The following EFCC1 variants were observed in gnomAD, a reference collection of about 807,000 sequenced individuals.
The protein encoded by EFCC1 is EF-hand and coiled-coil domain-containing protein 1.
In EFCC1, 50 loss-of-function variants were observed where a neutral mutation model predicts 52.1. That is an observed-to-expected ratio of 0.96 (90% confidence interval 0.76 to 1.21). The LOEUF (loss-of-function observed/expected upper bound fraction) is 1.21, where lower values mean the gene tolerates loss of function less well. Ranked by LOEUF, EFCC1 falls within the 50% of genes most tolerant of loss-of-function variation. EFCC1 has a pLI of 0.00. For missense variants in EFCC1, 837 were observed against 867.3 expected (o/e 0.97, Z 0.44); for synonymous variants, 399 against 396.5 (o/e 1.01, Z -0.08).
rs1006289070 is a variant in EFCC1, at chr3:129,001,896, G to A, written c.268G>A (p.Ala90Thr). ...GCTCTGCGCTGTGCTGGGGCTGCGC[G>A]CGGAGGGGGCCACCACGGCCGGGCA... is the stretch of plus-strand genomic sequence containing the variant. ...RALCAVLGLR[A>T]EGATTAGQAA... The change falls in exon 1 of 8, where the codon GCG becomes ACG. Residue 90 changes from alanine (A) to threonine (T), a missense_variant. By Grantham distance (58) the Ala-to-Thr change is moderately conservative. Coordinates refer to ENST00000683648, the MANE Select transcript of EFCC1 (RefSeq NM_001377500.1). 2.3e-5 allele frequency: 35 copies of A among 1,538,288 alleles called. No homozygotes were observed. In the East Asian group the frequency reaches 2.5e-4, roughly 11 times the overall value.
At chr3:129,034,040 C>A in intron 4 of EFCC1, 124 bp from the exon 5 acceptor site, 1 of 1,184,780 alleles carries the variant, frequency 8.4e-7, no homozygotes. Flanking sequence ...ACTGGGCAGG[C>A]AGGTGCCGTG....
Position 129,003,918 on chromosome 3 carries a change from T to C in EFCC1, c.821T>C (p.Leu274Pro). 7.4e-7 allele frequency: 1 copy of C among 1,358,454 alleles called. No homozygotes were observed. Among genetic ancestry groups the C allele is most frequent in the Non-Finnish European group, 9.4e-7 (1 of 1,060,290 alleles). The allele number at this position is 1,358,454 out of a possible 1,614,324, so 84.2% of individuals were successfully genotyped here. ...LAAAEARAGR[L>P]RRGQAEVRRR... ...GCGGCGGAGGCCCGCGCTGGGCGGC[T>C]GCGCCGTGGCCAGGCCGAGGTGCGG... The change falls in exon 2 of 8, where the codon CTG becomes CCG. Residue 274 changes from leucine (L) to proline (P), a missense_variant. Coordinates refer to ENST00000683648, the MANE Select transcript of EFCC1 (RefSeq NM_001377500.1).
In EFCC1 at chr3:129,003,746, A is replaced by G. The variant is rs986626623; in HGVS notation, c.697-48A>G. On this transcript the variant is annotated intron_variant, in intron 1 of 7. Coordinates refer to ENST00000683648, the MANE Select transcript of EFCC1 (RefSeq NM_001377500.1). ...GTCGTGGCGGGCGTTCGTCTGGTGC[A>G]TCTGGCTGGGGCACTTACCCCCTGC... The G allele has an allele frequency of 3.0e-5, 40 of 1,321,650 alleles. 1 individual carries two copies. The East Asian group carries it at 1.0e-3, about 34-fold the overall frequency. The allele number at this position is 1,321,650 out of a possible 1,614,324, so 81.9% of individuals were successfully genotyped here. A position where few individuals can be genotyped will look rare whatever the true frequency, so the allele number is the denominator to read the frequency against.
rs1013922181 is a variant in EFCC1 at position 129,040,658 on chromosome 3, T to G, written c.*810T>G. The G allele has an allele frequency of 6.6e-6, 1 of 152,080 alleles. No homozygotes were observed. The highest frequency in any genetic ancestry group is 1.5e-5 in the Non-Finnish European group (1 of 68,026). 9.4% of individuals were successfully genotyped at this position (152,080 alleles called of 1,614,324 possible). The stretch of plus-strand genomic sequence containing the variant: ...AGTCTCACCTAACTTAGACTGTCAT[T>G]AGAGAGAAAGATCCATTGCCAAACA... On this transcript the variant is annotated 3_prime_UTR_variant, in exon 8 of 8. Transcript: ENST00000683648. The surrounding 1 kb of genome is among the most constrained non-coding windows in gnomAD (Gnocchi z 4.4).
rs2107937519 is a variant in EFCC1, at chr3:129,033,213, C to T, written c.1286+247C>T. 1.3e-5 allele frequency among the ~76,000 whole-genome samples: 2 copies of T among 152,312 alleles called. 1 individual carries two copies. The highest frequency in any genetic ancestry group is 1.3e-4 in the Admixed American group (2 of 15,308). ...CCCATTCGTGCTTTCTCACCAGCAC[C>T]TGCACTGGAGCTCTTGTAGCACTCC... On this transcript the variant is annotated intron_variant, in intron 4 of 7. Transcript: ENST00000683648.
In EFCC1 at chr3:129,001,564, C is replaced by A. The variant is rs1245143396; in HGVS notation, c.-65C>A. 7.4e-7 allele frequency: 1 copy of A among 1,348,900 alleles called. No homozygotes were observed. Among genetic ancestry groups the A allele is most frequent in the Non-Finnish European group, 9.5e-7 (1 of 1,056,646 alleles). The allele number at this position is 1,348,900 out of a possible 1,614,324, so 83.6% of individuals were successfully genotyped here. A position where few individuals can be genotyped will look rare whatever the true frequency, so the allele number is the denominator to read the frequency against. ...TCCTTTCGAGAAACTCTGGGGCCGC[C>A]CCTGGAAGTGGCGGGGCGAAGGGAC... On this transcript the variant is annotated 5_prime_UTR_variant, in exon 1 of 8. Coordinates refer to ENST00000683648, the MANE Select transcript of EFCC1 (RefSeq NM_001377500.1).
chr3:129,031,854 A>G (rs1946278835), intron 3 of EFCC1, among the ~76,000 whole-genome samples: 1 of 152,180 alleles, frequency 6.6e-6, no homozygotes, highest in African/African-American at 2.4e-5. Flanking sequence ...TTTTGAGTCC[A>G]AGTCTTGGGT....
chr3:129,003,559 TG>T (rs1336594546), intron 1 of EFCC1, among the ~76,000 whole-genome samples: 1 of 136,542 alleles, frequency 7.3e-6, no homozygotes, highest in Non-Finnish European at 1.6e-5. Flanking sequence ...GAAAAAACGT[TG>T]GGGGGTGGGG....
At position 129,010,501 on chromosome 3, in the gene EFCC1, T is replaced by A. The variant is rs1482007241; in HGVS notation, c.980+6424T>A. 1.4e-5 allele frequency among the ~76,000 whole-genome samples: 1 copy of A among 71,102 alleles called. No individual in the cohort carries two copies. Among genetic ancestry groups the A allele is most frequent in the Non-Finnish European group, 2.8e-5 (1 of 36,298 alleles). The allele number at this position is 71,102 out of a possible 152,430, so 46.6% of individuals were successfully genotyped here. A position where few individuals can be genotyped will look rare whatever the true frequency, so the allele number is the denominator to read the frequency against. ...TTGGGGGAGGGTGAAAAGGCTGGGA[T>A]GGAGGAAAGGGGGTGGGAGAGGGAG... On this transcript the variant is annotated intron_variant, in intron 2 of 7. Coordinates refer to ENST00000683648, the MANE Select transcript of EFCC1 (RefSeq NM_001377500.1). This position sits in a 1 kb window ranked among gnomAD's most constrained non-coding sequence, Gnocchi z 4.3.
At position 129,039,742 on chromosome 3, in the gene EFCC1, A is replaced by ATGCCCTGCACCAAGCCTTGGC; in HGVS notation, c.1699_1719dup (p.Leu567_Ala573dup). 1 of 1,609,850 alleles carries ATGCCCTGCACCAAGCCTTGGC rather than the reference A, an allele frequency of 6.2e-7. No homozygotes were observed. Among genetic ancestry groups the ATGCCCTGCACCAAGCCTTGGC allele is most frequent in the Non-Finnish European group, 8.5e-7 (1 of 1,177,420 alleles). ...AGGCCCAGCCCTGCAGCCATCCTGG[A>ATGCCCTGCACCAAGCCTTGGC]TGCCCTGCACCAAGCCTTGGCTGCC... On this transcript the variant is annotated inframe_insertion, in exon 8 of 8. Transcript: ENST00000683648.
intron 2 of EFCC1, among the ~76,000 whole-genome samples, chr3:129,025,839 G>A (rs1946081061): frequency 6.6e-6 from 1 of 152,202 alleles, no homozygotes; most frequent in Non-Finnish European, 1.5e-5. Context: ...CATCTGTCCT[G>A]CTCTCCAGAT....
At position 129,001,696 on chromosome 3, in the gene EFCC1, C is replaced by G; in HGVS notation, c.68C>G (p.Pro23Arg). Residue 23 changes from proline (P) to arginine (R), a missense_variant, in exon 1 of 8, where the codon CCT becomes CGT. Pro to Arg is a moderately radical substitution (Grantham distance 103). Coordinates refer to ENST00000683648, the MANE Select transcript of EFCC1 (RefSeq NM_001377500.1). The part of the protein sequence containing the change: ...EGAGGDPYRR[P>R]ARRTQWLLSA... ...GCGGGAGGTGACCCGTACCGGCGAC[C>G]TGCGCGGCGCACGCAGTGGCTGCTG... 1 of 1,495,580 alleles carries G rather than the reference C, an allele frequency of 6.7e-7. No homozygotes were observed. 92.6% of individuals were successfully genotyped at this position (1,495,580 alleles called of 1,614,324 possible).
chr3:129,037,898 CAAA>C (rs747476450), intron 6 of EFCC1, among the ~76,000 whole-genome samples: 1 of 96,502 alleles, frequency 1.0e-5, no homozygotes. Flanking sequence ...CCCACCTCTA[CAAA>C]AAAAAAAAAA....
intron 2 of EFCC1, among the ~76,000 whole-genome samples, chr3:129,006,163 A>C (rs1434467483): frequency 6.6e-6 from 1 of 152,226 alleles, no homozygotes; most frequent in Non-Finnish European, 1.5e-5. Flanking sequence ...TAGGAAAGTC[A>C]AATCAGCCTG....
chr3:129,006,053 A>G (rs1468239532), intron 2 of EFCC1, among the ~76,000 whole-genome samples: 1 of 152,244 alleles, frequency 6.6e-6, no homozygotes, highest in Admixed American at 6.5e-5. Flanking sequence ...TAGTCCCCAT[A>G]AGGTTGTACA....
rs1320604728 is a variant in EFCC1 at position 129,010,767 on chromosome 3, G to C, written c.980+6690G>C. Among the ~76,000 whole-genome samples, 1 of 152,210 alleles carries C rather than the reference G, an allele frequency of 6.6e-6. No homozygotes were observed. The highest frequency in any genetic ancestry group is 2.4e-5 in the African/African-American group (1 of 41,448). ...GATTCCATCGTCCTTGGAGGTGGGT[G>C]TGTGGGTGGCCTTGGTGAGAAAAGA... On this transcript the variant is annotated intron_variant, in intron 2 of 7. Transcript: ENST00000683648. The surrounding 1 kb of genome is among the most constrained non-coding windows in gnomAD (Gnocchi z 4.3).
chr3:129,018,482 A>G (rs1036939569), intron 2 of EFCC1, among the ~76,000 whole-genome samples: 1 of 152,250 alleles, frequency 6.6e-6, no homozygotes, highest in African/African-American at 2.4e-5. Context: ...ACTTGTTTAC[A>G]TATTTTCTGG....
At chr3:129,032,262 T>C (rs1355393906) in intron 3 of EFCC1, among the ~76,000 whole-genome samples, 1 of 152,210 alleles carries the variant, frequency 6.6e-6, no homozygotes, top group Non-Finnish European at 1.5e-5. Context: ...GAGACTGGCT[T>C]GGCCTTTCCT....
intron 4 of EFCC1, among the ~76,000 whole-genome samples, chr3:129,033,432 T>A (rs1946313309): frequency 6.6e-6 from 1 of 152,166 alleles, no homozygotes; most frequent in Non-Finnish European, 1.5e-5. Context: ...TCTCCGAACC[T>A]CAGTCTTCTT....
Sources: gnomAD v4.1 joint callset for allele counts (sites outside exome capture counted in the v4.1 genomes callset) on GRCh38, gnomAD v4.1.1 for gene constraint, Gnocchi (gnomAD v3.1) non-coding constraint, MANE v1.5 for transcripts, NCBI Gene and HGNC (gene_info 2026-07-23, HGNC 2026-07-21) for gene names.